The following PPARGC1A variants were observed in gnomAD, a reference collection of about 807,000 sequenced individuals.
PPARGC1A encodes PPARG coactivator 1 alpha, also known as peroxisome proliferator-activated receptor gamma coactivator 1-alpha.
In PPARGC1A, 25 loss-of-function variants were observed where a neutral mutation model predicts 88.7. That is an observed-to-expected ratio of 0.28 (90% confidence interval 0.21 to 0.39). The LOEUF (loss-of-function observed/expected upper bound fraction) is 0.39, where lower values mean the gene tolerates loss of function less well. PPARGC1A is among the 10% of genes least tolerant of loss of function. PPARGC1A has a pLI of 1.00. For synonymous variants in PPARGC1A, 363 were observed against 355.6 expected (o/e 1.02, Z -0.24); for missense variants, 880 against 968.7 (o/e 0.91, Z 1.22).
At chr4:24,001,263 T>C in the PPARGC1A span, among the ~76,000 whole-genome samples, 3 of 152,186 alleles carry the variant, frequency 2.0e-5, no homozygotes, top group South Asian at 4.1e-4. Context: ...ATGCTATTAA[T>C]TGGTGGAAGT....
At chr4:24,022,693 A>G in the PPARGC1A span, among the ~76,000 whole-genome samples, 1 of 152,224 alleles carries the variant, frequency 6.6e-6, no homozygotes, top group African/African-American at 2.4e-5. Flanking sequence ...CAGATTAGAA[A>G]GGAGCCAGAG....
the PPARGC1A span, among the ~76,000 whole-genome samples, chr4:24,014,751 T>C: frequency 6.6e-6 from 1 of 152,108 alleles, no homozygotes; most frequent in Non-Finnish European, 1.5e-5. Context: ...ACCCACCCCC[T>C]CTTTTTAAAA....
chr4:24,379,781 CT>C, the PPARGC1A span, among the ~76,000 whole-genome samples: 459 of 138,084 alleles, frequency 3.3e-3, no homozygotes, highest in Middle Eastern at 7.6e-3. Flanking sequence ...TATTTAAATT[CT>C]TTTTTTTTTT....
At chr4:23,849,507 AT>A (rs1728902040) in intron 2 of PPARGC1A, among the ~76,000 whole-genome samples, 3 of 152,226 alleles carry the variant, frequency 2.0e-5, no homozygotes, top group Admixed American at 1.3e-4. Context: ...CAAAACTGTC[AT>A]TTAAAAAATC....
the PPARGC1A span, among the ~76,000 whole-genome samples, chr4:24,066,388 A>C: frequency 6.6e-6 from 1 of 152,326 alleles, no homozygotes; most frequent in South Asian, 2.1e-4. Flanking sequence ...CTTCACCTGA[A>C]AGAGAGTTTT....
chr4:23,947,427 T>C, the PPARGC1A span, among the ~76,000 whole-genome samples: 2 of 137,690 alleles, frequency 1.5e-5, no homozygotes, highest in Middle Eastern at 4.3e-3. Context: ...AAATGGAGAC[T>C]TAAAGAATTT....
chr4:23,959,751 T>A, the PPARGC1A span, among the ~76,000 whole-genome samples: 731 of 152,240 alleles, frequency 4.8e-3, 15 homozygotes, highest in Admixed American at 0.036. Context: ...TCCTGATCAG[T>A]GCTTCTTTGT....
chr4:23,826,033 G>C (rs1243388980), intron 5 of PPARGC1A, among the ~76,000 whole-genome samples: 2 of 152,166 alleles, frequency 1.3e-5, no homozygotes, highest in Non-Finnish European at 2.9e-5. Context: ...TTGAAAATCA[G>C]TCACTGAAAT....
the PPARGC1A span, among the ~76,000 whole-genome samples, chr4:23,917,397 CAG>C: frequency 1.4e-5 from 2 of 143,716 alleles, no homozygotes; most frequent in Non-Finnish European, 3.0e-5. Flanking sequence ...TTTTTTGAGA[CAG>C]AGTCCTGCTC....
the PPARGC1A span, among the ~76,000 whole-genome samples, chr4:24,008,759 AC>A: frequency 1.8e-4 from 27 of 152,138 alleles, no homozygotes; most frequent in Non-Finnish European, 3.4e-4. Context: ...AGGGCAGCAA[AC>A]AAAAGCTGGG....
the PPARGC1A span, among the ~76,000 whole-genome samples, chr4:23,928,740 A>G: frequency 7.1e-6 from 1 of 140,710 alleles, no homozygotes; most frequent in South Asian, 2.3e-4. Context: ...GAAATGTGGT[A>G]CTTATCCAGC....
At chr4:24,091,717 G>C in the PPARGC1A span, 1 of 852,748 alleles carries the variant, frequency 1.2e-6, no homozygotes, top group Non-Finnish European at 1.4e-6. Context: ...GGACACATGG[G>C]GCTACCCAGA....
the PPARGC1A span, among the ~76,000 whole-genome samples, chr4:23,917,524 C>T: frequency 1.5e-4 from 23 of 151,808 alleles, no homozygotes; most frequent in Non-Finnish European, 2.9e-4. Context: ...GGGGTTTCAC[C>T]GTGTTAGCCA....
the PPARGC1A span, among the ~76,000 whole-genome samples, chr4:24,392,791 G>A: frequency 5.3e-5 from 8 of 152,072 alleles, no homozygotes; most frequent in Admixed American, 6.5e-5. Flanking sequence ...CTTTCCCGTT[G>A]CCTCAGCGCG....
rs192435582 is a variant in PPARGC1A at position 23,851,632 on chromosome 4, C to T, written c.235-19881G>A. Among the ~76,000 whole-genome samples the T allele has an allele frequency of 2.6e-5, 4 of 152,288 alleles. No homozygotes were observed. In the East Asian group the frequency reaches 7.7e-4, roughly 29 times the overall value. On this transcript the variant is annotated intron_variant, in intron 2 of 12. Coordinates refer to ENST00000264867, the MANE Select transcript of PPARGC1A (RefSeq NM_013261.5). ...TGCATAACCTGTGTTGAGTCTTGTG[C>T]TTGGCACACCAGTTCTTGCAAAAAA...
the PPARGC1A span, among the ~76,000 whole-genome samples, chr4:23,936,857 G>A: frequency 6.6e-6 from 1 of 152,010 alleles, no homozygotes; most frequent in Non-Finnish European, 1.5e-5. Context: ...GTGACAGAGT[G>A]ACTCCATCTC....
At chr4:24,121,268 T>C in the PPARGC1A span, among the ~76,000 whole-genome samples, 1 of 152,172 alleles carries the variant, frequency 6.6e-6, no homozygotes, top group Non-Finnish European at 1.5e-5. Flanking sequence ...GGCTCCCAGC[T>C]ATTGGAATGA....
intron 10 of PPARGC1A, among the ~76,000 whole-genome samples, chr4:23,805,492 A>G (rs902612463): frequency 6.6e-6 from 1 of 152,168 alleles, no homozygotes; most frequent in Admixed American, 6.6e-5. Flanking sequence ...TTCCATGTAG[A>G]TTGTATGTCT....
At chr4:23,806,064 G>A (rs1030714744) in intron 10 of PPARGC1A, among the ~76,000 whole-genome samples, 2 of 152,036 alleles carry the variant, frequency 1.3e-5, no homozygotes, top group Non-Finnish European at 2.9e-5. Context: ...TAACCTAGAG[G>A]GGAGAAACAG....
Sources: allele counts gnomAD v4.1 joint callset (sites outside exome capture counted in the v4.1 genomes callset), GRCh38; gene constraint gnomAD v4.1.1; transcripts MANE v1.5; gene names NCBI Gene and HGNC (gene_info 2026-07-23, HGNC 2026-07-21).